The following RSRC1 variants were observed in gnomAD, a reference collection of about 807,000 sequenced individuals.
RSRC1 encodes arginine and serine rich coiled-coil 1, also known as serine/Arginine-related protein 53.
In RSRC1, 39 loss-of-function variants were observed where a neutral mutation model predicts 49.1. The ratio of observed to expected loss-of-function variants is 0.79; its 90% confidence interval spans 0.61 to 1.04. The LOEUF is 1.04. Ranked by LOEUF, RSRC1 falls within the 50% of genes least tolerant of loss-of-function variation. The pLI is 0.00. For missense variants in RSRC1, 388 were observed against 402.4 expected, an observed-to-expected ratio of 0.96 and a Z score of 0.31; for synonymous variants, 143 against 130.8, an observed-to-expected ratio of 1.09 and a Z score of -0.63.
At chr3:158,512,086 G>T (rs62287888) in intron 7 of RSRC1, among the ~76,000 whole-genome samples, 41,076 of 136,176 alleles carry the variant, frequency 0.3, 5,204 homozygotes, top group African/African-American at 0.34. Context: ...TCACTCTGAT[G>T]GTAGTTTCTT....
At chr3:158,441,133 C>T (rs946226934) in intron 6 of RSRC1, among the ~76,000 whole-genome samples, 1 of 152,052 alleles carries the variant, frequency 6.6e-6, no homozygotes, top group African/African-American at 2.4e-5. Flanking sequence ...GCTTCTCCTA[C>T]AGTCTGTTGG....
chr3:158,279,683 T>C lies in RSRC1; in HGVS notation c.495-18356T>C, dbSNP rs184561417. Among the ~76,000 whole-genome samples the C allele has an allele frequency of 8.0e-4, 122 of 152,340 alleles. 1 individual carries two copies. Among genetic ancestry groups the C allele is most frequent in the Admixed American group, 2.3e-3 (35 of 15,296 alleles). On this transcript the variant is annotated intron_variant, in intron 4 of 9. Coordinates refer to ENST00000611884, the MANE Select transcript of RSRC1 (RefSeq NM_001271838.2). ...TGTGAGAAAGTAATTCCTAGAAGAA[T>C]CTTCATTTGTACTGTCACTTTATGT... is the stretch of plus-strand genomic sequence containing the variant.
intron 4 of RSRC1, among the ~76,000 whole-genome samples, chr3:158,285,416 G>A (rs368670570): frequency 6.6e-6 from 1 of 152,052 alleles, no homozygotes; most frequent in Admixed American, 6.6e-5. Context: ...AGTAGTTTTT[G>A]CCAATTCTGT....
At chr3:158,277,662 A>G (rs1351852153) in intron 4 of RSRC1, among the ~76,000 whole-genome samples, 1 of 152,230 alleles carries the variant, frequency 6.6e-6, no homozygotes, top group Non-Finnish European at 1.5e-5. Context: ...GCAGTTTGAC[A>G]TTACTTTGTG....
chr3:158,272,356 G>C (rs1217436236), intron 4 of RSRC1, among the ~76,000 whole-genome samples: 1 of 152,194 alleles, frequency 6.6e-6, no homozygotes, highest in East Asian at 1.9e-4. Flanking sequence ...GAACCGGCAG[G>C]CTTGATTTGC....
chr3:158,148,756 C>G (rs9840667), intron 3 of RSRC1, among the ~76,000 whole-genome samples: 89,999 of 151,422 alleles, frequency 0.59, 26,989 homozygotes, highest in East Asian at 0.71. Flanking sequence ...ATTGCCTCAG[C>G]TACTTTATAC....
intron 4 of RSRC1, among the ~76,000 whole-genome samples, chr3:158,263,537 A>G (rs906867241): frequency 6.6e-6 from 1 of 152,174 alleles, no homozygotes; most frequent in Non-Finnish European, 1.5e-5. Context: ...TGCTGGCCCA[A>G]AGAATGAGTT....
chr3:158,221,427 G>T (rs1027993298), intron 4 of RSRC1, among the ~76,000 whole-genome samples: 8 of 151,314 alleles, frequency 5.3e-5, no homozygotes, highest in African/African-American at 1.9e-4. Context: ...ATGGTATGCA[G>T]TATGCCGATG....
At chr3:158,201,385 T>A (rs1054013942) in intron 3 of RSRC1, among the ~76,000 whole-genome samples, 1 of 152,154 alleles carries the variant, frequency 6.6e-6, no homozygotes, top group Non-Finnish European at 1.5e-5. Flanking sequence ...TAATATAGAA[T>A]CTGTAAATTT....
Position 158,137,865 on chromosome 3 carries a change from A to G in RSRC1, c.320+13874A>G, listed in dbSNP as rs530460969. 5.3e-5 allele frequency among the ~76,000 whole-genome samples: 8 copies of G among 151,968 alleles called. No individual in the cohort carries two copies. The South Asian group carries it at 1.7e-3, about 32-fold the overall frequency. On this transcript the variant is annotated intron_variant, in intron 3 of 9. Transcript: ENST00000611884. The stretch of plus-strand genomic sequence containing the variant: ...GACAGGGTTTCGCCATGTTGGCCAG[A>G]CTGGTCTCGAATTCCTGACCTCCTG...
chr3:158,277,868 T>A (rs1725905571), intron 4 of RSRC1, among the ~76,000 whole-genome samples: 1 of 152,178 alleles, frequency 6.6e-6, no homozygotes, highest in African/African-American at 2.4e-5. Context: ...CACTGCAGCC[T>A]TTGGAACTCT....
chr3:158,285,875 A>G (rs1726515904), intron 4 of RSRC1, among the ~76,000 whole-genome samples: 1 of 151,956 alleles, frequency 6.6e-6, no homozygotes, highest in South Asian at 2.1e-4. Flanking sequence ...CTAATTGAAT[A>G]CTCTTTATTT....
At chr3:158,510,688 G>A (rs901245522) in intron 7 of RSRC1, among the ~76,000 whole-genome samples, 8 of 152,066 alleles carry the variant, frequency 5.3e-5, no homozygotes, top group African/African-American at 1.9e-4. Context: ...ATTTTTAAAT[G>A]TACAATTAAG....
chr3:158,433,422 A>G (rs1229113583), intron 6 of RSRC1, among the ~76,000 whole-genome samples: 1 of 152,016 alleles, frequency 6.6e-6, no homozygotes, highest in African/African-American at 2.4e-5. Flanking sequence ...GAGATGCTAC[A>G]GTACAATGCT....
intron 6 of RSRC1, among the ~76,000 whole-genome samples, chr3:158,417,035 T>C (rs982574914): frequency 1.3e-5 from 2 of 152,092 alleles, no homozygotes; most frequent in African/African-American, 4.8e-5. Flanking sequence ...ATTATCATCA[T>C]TGTTACTATT....
rs574070830 is a variant in RSRC1, at chr3:158,370,053, C to T, written c.583+15145C>T. On this transcript the variant is annotated intron_variant, in intron 6 of 9. Transcript: ENST00000611884. ...ATAATTTAGAATTTTTTAAAAGCTC[C>T]TGAATGGTGTGAAGACTTTTGTCCT... Among the ~76,000 whole-genome samples, 7 of 151,780 alleles carry T rather than the reference C, an allele frequency of 4.6e-5. No homozygotes were observed. The South Asian group carries it at 1.2e-3, about 27-fold the overall frequency.
At chr3:158,176,246 A>G (rs367691343) in intron 3 of RSRC1, among the ~76,000 whole-genome samples, 2 of 152,236 alleles carry the variant, frequency 1.3e-5, no homozygotes, top group Non-Finnish European at 2.9e-5. Flanking sequence ...TTATAGATTC[A>G]GTGCCATCCC....
rs528320501 is a variant in RSRC1 at position 158,468,224 on chromosome 3, C to T, written c.652+7221C>T. On this transcript the variant is annotated intron_variant, in intron 7 of 9. Transcript: ENST00000611884. ...CTGGGATTACAGGCGTGAGCCACCG[C>T]GCCCGGCCAGAAAAATTATTTTCTA... is the stretch of plus-strand genomic sequence containing the variant. Among the ~76,000 whole-genome samples the T allele has an allele frequency of 9.2e-5, 14 of 152,270 alleles. No individual in the cohort carries two copies. The South Asian group carries it at 1.7e-3, about 18-fold the overall frequency.
In RSRC1 at chr3:158,480,450, G is replaced by T. The variant is rs193084112; in HGVS notation, c.652+19447G>T. Among the ~76,000 whole-genome samples the T allele has an allele frequency of 3.3e-5, 5 of 151,984 alleles. No homozygotes were observed. The East Asian group carries it at 9.6e-4, about 29-fold the overall frequency. On this transcript the variant is annotated intron_variant, in intron 7 of 9. Coordinates refer to ENST00000611884, the MANE Select transcript of RSRC1 (RefSeq NM_001271838.2). The stretch of plus-strand genomic sequence containing the variant: ...CAGATCTTTCATATATTGAAAAGCC[G>T]TATTTGAAGGAAAACTTTTTACTTT...
Sources: allele counts gnomAD v4.1 joint callset (sites outside exome capture counted in the v4.1 genomes callset), GRCh38; gene constraint gnomAD v4.1.1; transcripts MANE v1.5; gene names NCBI Gene and HGNC (gene_info 2026-07-23, HGNC 2026-07-21).